MXI1: variants seen among roughly 807,000 people sequenced by gnomAD.
MXI1 encodes MAX interactor 1, dimerization protein.
A neutral mutation model predicts 36.9 loss-of-function variants in MXI1; 18 were observed. The observed-to-expected ratio is 0.49, with a 90% CI of 0.34 to 0.72. The LOEUF is 0.72. Ranked by LOEUF, MXI1 falls within the 30% of genes least tolerant of loss-of-function variation. MXI1 has a pLI of 0.01. For synonymous variants in MXI1, 160 were observed against 146.7 expected, an observed-to-expected ratio of 1.09 and a Z score of -0.65; for missense variants, 304 against 379.1, an observed-to-expected ratio of 0.80 and a Z score of 1.64.
At chr10:110,273,374 C>T (rs952540788) in intron 3 of MXI1, among the ~76,000 whole-genome samples, 2 of 151,972 alleles carry the variant, frequency 1.3e-5, no homozygotes, top group East Asian at 1.9e-4. Flanking sequence ...TTTCATGAAC[C>T]GAATAAGCTG....
chr10:110,231,664 C>A (rs1382486049), intron 2 of MXI1, among the ~76,000 whole-genome samples: 1 of 152,154 alleles, frequency 6.6e-6, no homozygotes, highest in African/African-American at 2.4e-5. Flanking sequence ...CAAAAATCAA[C>A]ATTGCTAAGA....
rs755245055 is a variant in MXI1 at position 110,287,068 on chromosome 10, G to A, written c.*2081G>A. On this transcript the variant is annotated 3_prime_UTR_variant, in exon 6 of 6. Coordinates refer to ENST00000332674, the MANE Select transcript of MXI1 (RefSeq NM_130439.3). ...CTACCATACAAAGTGAATGAAGCCA[G>A]TGACTAAGCTTCTGTTTGTTTTGTT... 2.6e-5 allele frequency: 4 copies of A among 152,238 alleles called. No homozygotes were observed. Among genetic ancestry groups the A allele is most frequent in the Non-Finnish European group, 4.4e-5 (3 of 68,044 alleles). The allele number at this position is 152,238 out of a possible 1,614,324, so 9.4% of individuals were successfully genotyped here.
intron 2 of MXI1, among the ~76,000 whole-genome samples, chr10:110,239,354 C>A (rs1031652642): frequency 6.6e-6 from 1 of 152,152 alleles, no homozygotes; most frequent in African/African-American, 2.4e-5. Context: ...AAGGTGGAAT[C>A]TTGGATCATT....
intron 1 of MXI1, among the ~76,000 whole-genome samples, chr10:110,217,787 C>T (rs1854689856): frequency 6.6e-6 from 1 of 152,202 alleles, no homozygotes; most frequent in Non-Finnish European, 1.5e-5. Context: ...AATCAGTCAA[C>T]AATTCTTGTC....
At chr10:110,254,160 A>G (rs1052788253) in intron 3 of MXI1, among the ~76,000 whole-genome samples, 1 of 152,108 alleles carries the variant, frequency 6.6e-6, no homozygotes, top group African/African-American at 2.4e-5. Context: ...AAGCAGGTCA[A>G]TTTCTAATCG....
chr10:110,249,835 T>A lies in MXI1; in HGVS notation c.437+4978T>A, dbSNP rs1317970339. On this transcript the variant is annotated intron_variant, in intron 3 of 5. Coordinates refer to ENST00000332674, the MANE Select transcript of MXI1 (RefSeq NM_130439.3). Reference sequence around the variant, plus strand: ...CTCTGAGTTATGATAAAAAACATAATTATTTTTATTGGAGCAAATGCAGTG... The same window carrying A: ...CTCTGAGTTATGATAAAAAACATAAATATTTTTATTGGAGCAAATGCAGTG... Among the ~76,000 whole-genome samples, 3 of 152,164 alleles carry A rather than the reference T, an allele frequency of 2.0e-5. No homozygotes were observed. The East Asian group carries it at 5.8e-4, about 29-fold the overall frequency.
intron 3 of MXI1, among the ~76,000 whole-genome samples, chr10:110,258,472 C>T (rs1359506225): frequency 6.6e-6 from 1 of 152,018 alleles, no homozygotes; most frequent in Non-Finnish European, 1.5e-5. Context: ...TTCTTAGGAA[C>T]CGGATAAATA....
rs1207398691 is a variant in MXI1, at chr10:110,226,280, C to T, written c.275-1909C>T. ...TGCCGAGTTTTTGGAGCGCCGGGAG[C>T]GAGGTAATGGCTGGGCGCCGCTGCG... On this transcript the variant is annotated intron_variant, in intron 1 of 5. Coordinates refer to ENST00000332674, the MANE Select transcript of MXI1 (RefSeq NM_130439.3). 4.0e-6 allele frequency: 6 copies of T among 1,494,750 alleles called. No individual in the cohort carries two copies. In the East Asian group the frequency reaches 8.3e-5, roughly 21 times the overall value. The allele number at this position is 1,494,750 out of a possible 1,614,324, so 92.6% of individuals were successfully genotyped here.
At chr10:110,208,222 C>A in intron 1 of MXI1, 140 bp downstream of exon 1, 2 of 849,244 alleles carry the variant, frequency 2.4e-6, no homozygotes, top group Admixed American at 3.9e-5. Flanking sequence ...GCCGATGACA[C>A]CGGAGAAAGG....
At chr10:110,280,636 T>C (rs1402531581) in intron 5 of MXI1, among the ~76,000 whole-genome samples, 15 of 149,692 alleles carry the variant, frequency 1.0e-4, no homozygotes, top group South Asian at 2.1e-4. Flanking sequence ...GCCGAGATCA[T>C]GCCACTGCGC....
chr10:110,265,141 G>A (rs917557216), intron 3 of MXI1, among the ~76,000 whole-genome samples: 1 of 152,122 alleles, frequency 6.6e-6, no homozygotes, highest in Admixed American at 6.6e-5. Context: ...CTCTGAGTAC[G>A]GAGGAGTTAG....
chr10:110,255,544 G>T (rs888782066), intron 3 of MXI1, among the ~76,000 whole-genome samples: 7 of 152,054 alleles, frequency 4.6e-5, no homozygotes, highest in Admixed American at 2.0e-4. Flanking sequence ...AAAGTAAGAT[G>T]AAAATAATTA....
At chr10:110,227,608 G>A (rs1372390677) in intron 1 of MXI1, 14 of 946,842 alleles carry the variant, frequency 1.5e-5, no homozygotes, top group Non-Finnish European at 1.8e-5. Flanking sequence ...GGACGAGGCC[G>A]GGAGAACACT....
At chr10:110,219,244 G>A (rs1854734696) in intron 1 of MXI1, among the ~76,000 whole-genome samples, 1 of 152,224 alleles carries the variant, frequency 6.6e-6, no homozygotes, top group Non-Finnish European at 1.5e-5. Flanking sequence ...AGCTTGCAGT[G>A]AGCCAAGGTC....
At chr10:110,250,247 C>G (rs1414253397) in intron 3 of MXI1, among the ~76,000 whole-genome samples, 1 of 152,090 alleles carries the variant, frequency 6.6e-6, no homozygotes, top group African/African-American at 2.4e-5. Flanking sequence ...TACCTATGTA[C>G]CAACCCTGTC....
chr10:110,208,192 A>C, intron 1 of MXI1, 110 bp downstream of exon 1: 57 of 1,116,062 alleles, frequency 5.1e-5, no homozygotes, highest in Middle Eastern at 3.1e-4. Flanking sequence ...CAACATACAC[A>C]TCCAGCCCTT....
chr10:110,237,617 TA>T (rs1855519525), intron 2 of MXI1, among the ~76,000 whole-genome samples: 1 of 152,202 alleles, frequency 6.6e-6, no homozygotes. Context: ...TTTGAGGATT[TA>T]GTCCCCAACA....
rs1307910668 is a variant in MXI1 at position 110,224,653 on chromosome 10, T to TG, written c.275-3536_275-3535insG. ...TCAGTGGCTTTTTTTTTTTTTTTTT[T>TG]TCTTTGAGACTGAGTCTTGCTCTGT... is the stretch of plus-strand genomic sequence containing the variant. On this transcript the variant is annotated intron_variant, in intron 1 of 5. Transcript: ENST00000332674. 1.3e-4 allele frequency among the ~76,000 whole-genome samples: 19 copies of TG among 150,490 alleles called. No homozygotes were observed. In the South Asian group the frequency reaches 1.5e-3, roughly 12 times the overall value.
chr10:110,214,434 C>T (rs913463759), intron 1 of MXI1, among the ~76,000 whole-genome samples: 49 of 152,012 alleles, frequency 3.2e-4, no homozygotes, highest in Admixed American at 3.2e-3. Context: ...TGCTGCCTTT[C>T]CCAAGTCTGT....
Sources: allele counts gnomAD v4.1 joint callset (sites outside exome capture counted in the v4.1 genomes callset), GRCh38; gene constraint gnomAD v4.1.1; transcripts MANE v1.5; gene names NCBI Gene and HGNC (gene_info 2026-07-23, HGNC 2026-07-21).